SAP30BP: variants seen among roughly 807,000 people sequenced by gnomAD.
SAP30BP encodes SAP30-binding protein.
A neutral mutation model predicts 46.3 loss-of-function variants in SAP30BP; 31 were observed. The observed-to-expected ratio is 0.67, with a 90% CI of 0.50 to 0.90. The LOEUF (loss-of-function observed/expected upper bound fraction) is 0.90, where lower values mean the gene tolerates loss of function less well. Among genes scored for constraint, SAP30BP ranks in the 40% least tolerant of loss-of-function variants. The pLI, the probability that SAP30BP is intolerant of heterozygous loss-of-function variation, is 0.00. For missense variants in SAP30BP, 312 were observed against 391.0 expected, an observed-to-expected ratio of 0.80 and a Z score of 1.70; for synonymous variants, 169 against 144.2, an observed-to-expected ratio of 1.17 and a Z score of -1.23.
At chr17:75,695,093 A>G (rs767447308) in intron 4 of SAP30BP, among the ~76,000 whole-genome samples, 2 of 152,198 alleles carry the variant, frequency 1.3e-5, no homozygotes, top group Non-Finnish European at 2.9e-5. Context: ...GCAAGCTGTG[A>G]TCTACACTCT....
chr17:75,678,659 C>T (rs868427361), intron 3 of SAP30BP, among the ~76,000 whole-genome samples: 2 of 152,044 alleles, frequency 1.3e-5, no homozygotes, highest in Non-Finnish European at 2.9e-5. Context: ...ACCATGTTGT[C>T]GGCCGGTTTT....
At chr17:75,699,700 T>G in intron 4 of SAP30BP, 83 bp from the exon 5 acceptor site, 1 of 912,506 alleles carries the variant, frequency 1.1e-6, no homozygotes, top group Non-Finnish European at 1.8e-6. Flanking sequence ...CCTGATAACA[T>G]TTTATGTGCT....
At position 75,672,227 on chromosome 17, in the gene SAP30BP, C is replaced by T. The variant is rs537855295; in HGVS notation, c.264+364C>T. 1.7e-4 allele frequency: 40 copies of T among 235,446 alleles called. No individual in the cohort carries two copies. In the East Asian group the frequency reaches 2.7e-3, roughly 16 times the overall value. The allele number at this position is 235,446 out of a possible 1,614,324, so 14.6% of individuals were successfully genotyped here. A position where few individuals can be genotyped will look rare whatever the true frequency, so the allele number is the denominator to read the frequency against. ...ACCCAGGAAGGTGTAAGGGCCGCCTCGCGTGCTTTGGGTTCTCTTTAGTCA... is the reference window on the plus strand; with the variant it reads ...ACCCAGGAAGGTGTAAGGGCCGCCTTGCGTGCTTTGGGTTCTCTTTAGTCA... On this transcript the variant is annotated intron_variant, in intron 3 of 10. Transcript: ENST00000584667.
intron 4 of SAP30BP, among the ~76,000 whole-genome samples, chr17:75,696,814 G>A (rs1482302150): frequency 6.9e-6 from 1 of 145,070 alleles, no homozygotes; most frequent in African/African-American, 2.5e-5. Context: ...TGTCACCCAG[G>A]CTGGAGGGGC....
chr17:75,705,727 G>A (rs1187956444), intron 9 of SAP30BP: 1 of 1,203,958 alleles, frequency 8.3e-7, no homozygotes, highest in East Asian at 4.8e-5. Flanking sequence ...ACGGTTCTGG[G>A]CATGTGAGGT....
intron 3 of SAP30BP, among the ~76,000 whole-genome samples, chr17:75,676,448 T>C (rs1431321579): frequency 6.6e-6 from 1 of 152,230 alleles, no homozygotes; most frequent in Admixed American, 6.5e-5. Context: ...AATACATTTT[T>C]TAAGATAATG....
intron 9 of SAP30BP, chr17:75,705,018 A>G (rs820231): frequency 0.99 from 563,720 of 567,500 alleles, 280,084 homozygotes; most frequent in East Asian, 1. Flanking sequence ...GCCCTCGGAG[A>G]CTTGTTTGCT....
chr17:75,673,372 A>G (rs2059934934), intron 3 of SAP30BP, among the ~76,000 whole-genome samples: 1 of 152,226 alleles, frequency 6.6e-6, no homozygotes. Context: ...AGTCAGTCAC[A>G]GCTCTCCTCG....
intron 3 of SAP30BP, among the ~76,000 whole-genome samples, chr17:75,675,233 C>T (rs990572547): frequency 3.9e-5 from 6 of 152,194 alleles, no homozygotes; most frequent in Non-Finnish European, 8.8e-5. Context: ...TCACTGCAAC[C>T]TCTGCCTCCC....
At chr17:75,673,531 A>AG (rs2059938000) in intron 3 of SAP30BP, among the ~76,000 whole-genome samples, 1 of 152,192 alleles carries the variant, frequency 6.6e-6, no homozygotes, top group African/African-American at 2.4e-5. Context: ...TCTGGGTCCT[A>AG]GAGTCTTTCT....
At chr17:75,667,736 C>T (rs1315082119) in intron 1 of SAP30BP, among the ~76,000 whole-genome samples, 2 of 152,202 alleles carry the variant, frequency 1.3e-5, no homozygotes, top group South Asian at 2.1e-4. Flanking sequence ...GAGGGATGGA[C>T]GAAGAGGGAG....
At position 75,702,566 on chromosome 17, in the gene SAP30BP, C is replaced by T; in HGVS notation, c.483C>T (p.Asn161=). ...YIIQRKKEFR[N]PSIYEKLIQF... Reference sequence around the variant, plus strand: ...TCCAAAGGAAGAAAGAATTTCGGAACCCTAGGTAAGTTTCCCTTGAGCCTG... The same window carrying T: ...TCCAAAGGAAGAAAGAATTTCGGAATCCTAGGTAAGTTTCCCTTGAGCCTG... Residue 161 remains asparagine, a synonymous_variant, in exon 6 of 11, where the codon AAC becomes AAT. Coordinates refer to ENST00000584667, the MANE Select transcript of SAP30BP (RefSeq NM_013260.8). 2.0e-6 allele frequency: 3 copies of T among 1,501,558 alleles called. No homozygotes were observed. Among genetic ancestry groups the T allele is most frequent in the Non-Finnish European group, 2.8e-6 (3 of 1,082,084 alleles). The allele number at this position is 1,501,558 out of a possible 1,614,324, so 93.0% of individuals were successfully genotyped here.
At chr17:75,685,972 G>A (rs763902581) in intron 3 of SAP30BP, among the ~76,000 whole-genome samples, 6 of 152,136 alleles carry the variant, frequency 3.9e-5, no homozygotes, top group East Asian at 1.9e-4. Context: ...TGGAATAGTC[G>A]GATAACAAAA....
At chr17:75,671,785 A>G in intron 2 of SAP30BP, 31 bp from the exon 3 acceptor site, 1 of 1,598,468 alleles carries the variant, frequency 6.3e-7, no homozygotes, top group South Asian at 1.1e-5. Context: ...CGCTCCTTTA[A>G]GCTTAATCCT....
chr17:75,689,070 C>T (rs1353717278), intron 3 of SAP30BP, among the ~76,000 whole-genome samples: 1 of 152,038 alleles, frequency 6.6e-6, no homozygotes, highest in Non-Finnish European at 1.5e-5. Flanking sequence ...CCTCCACCAG[C>T]TCAGCGTTTA....
intron 9 of SAP30BP, chr17:75,705,115 A>C: frequency 2.6e-6 from 1 of 387,342 alleles, no homozygotes; most frequent in Non-Finnish European, 4.9e-6. Flanking sequence ...TTGTAGCCTG[A>C]AGGGAGGGAA....
chr17:75,674,363 C>T (rs1222901925), intron 3 of SAP30BP, among the ~76,000 whole-genome samples: 1 of 151,944 alleles, frequency 6.6e-6, no homozygotes, highest in Non-Finnish European at 1.5e-5. Context: ...GCTGTGATCT[C>T]GGCTCAGTGC....
At chr17:75,694,850 A>G (rs890292894) in intron 4 of SAP30BP, among the ~76,000 whole-genome samples, 3 of 152,244 alleles carry the variant, frequency 2.0e-5, no homozygotes, top group African/African-American at 4.8e-5. Flanking sequence ...AGTTGCTTCC[A>G]GAGCCAACTT....
chr17:75,704,956 G>A (rs866378197), intron 9 of SAP30BP, 142 bp downstream of exon 9: 4 of 703,354 alleles, frequency 5.7e-6, no homozygotes, highest in Middle Eastern at 2.7e-4. Context: ...TCTCAGCAGG[G>A]CCTGTGTGCT....
Sources: gnomAD v4.1 joint callset for allele counts (sites outside exome capture counted in the v4.1 genomes callset) on GRCh38, gnomAD v4.1.1 for gene constraint, MANE v1.5 for transcripts, NCBI Gene and HGNC (gene_info 2026-07-23, HGNC 2026-07-21) for gene names.